CFAP20DC: variants seen among roughly 807,000 people sequenced by gnomAD.
CFAP20DC encodes CFAP20 domain containing, also known as protein CFAP20DC.
In CFAP20DC, 84 loss-of-function variants were observed where a neutral mutation model predicts 101.7. That is an observed-to-expected ratio of 0.83 (90% CI 0.69 to 0.99). CFAP20DC has a LOEUF of 0.99. CFAP20DC is among the 50% of genes least tolerant of loss of function. The pLI, the probability that CFAP20DC is intolerant of heterozygous loss-of-function variation, is 0.00. For missense variants in CFAP20DC, 1,007 were observed against 970.3 expected, an observed-to-expected ratio of 1.04 and a Z score of -0.50; for synonymous variants, 359 against 351.2, an observed-to-expected ratio of 1.02 and a Z score of -0.25.
intron 14 of CFAP20DC, among the ~76,000 whole-genome samples, chr3:58,824,169 C>A (rs2075880464): frequency 6.6e-6 from 1 of 152,104 alleles, no homozygotes. Context: ...AACTGCATAC[C>A]TTTTTAGTTC....
downstream of CFAP20DC, among the ~76,000 whole-genome samples, chr3:58,717,011 T>C (rs577546018): frequency 2.0e-5 from 3 of 152,236 alleles, no homozygotes; most frequent in Non-Finnish European, 2.9e-5. This position sits in a 1 kb window ranked among gnomAD's most constrained non-coding sequence, Gnocchi z 4.1. Flanking sequence ...GAAATTTAAC[T>C]AAGATGAAAG....
downstream of CFAP20DC, among the ~76,000 whole-genome samples, chr3:58,716,739 G>A (rs2067404847): frequency 6.6e-6 from 1 of 152,110 alleles, no homozygotes; most frequent in South Asian, 2.1e-4. Context: ...GGATCCTATG[G>A]CTCAGGTGGC....
intron 3 of CFAP20DC, among the ~76,000 whole-genome samples, chr3:58,725,283 C>T (rs974981576): frequency 6.6e-6 from 1 of 152,210 alleles, no homozygotes; most frequent in African/African-American, 2.4e-5. Context: ...CTGGCCACAG[C>T]CCATACTATC....
intron 3 of CFAP20DC, among the ~76,000 whole-genome samples, chr3:59,045,759 T>C (rs950900431): frequency 2.6e-5 from 4 of 152,158 alleles, no homozygotes; most frequent in African/African-American, 9.7e-5. Flanking sequence ...ATGCTTTATA[T>C]CTTACTTCTG....
At position 59,049,981 on chromosome 3, in the gene CFAP20DC, C is replaced by T. The variant is rs931514012; in HGVS notation, c.-350G>A. The T allele has an allele frequency of 1.5e-5, 4 of 272,152 alleles. No homozygotes were observed. Among genetic ancestry groups the T allele is most frequent in the Admixed American group, 4.8e-5 (1 of 20,956 alleles). 16.9% of individuals were successfully genotyped at this position (272,152 alleles called of 1,614,324 possible). On this transcript the variant is annotated 5_prime_UTR_variant, in exon 1 of 17. Transcript: ENST00000482387. ...GAGCCACAGACAACCGCCCGCTGGC[C>T]TAGGAAAAGCGGGCGCGCTCCCGCT...
chr3:58,887,662 G>A lies in CFAP20DC; in HGVS notation c.551-2953C>T, dbSNP rs922709329. ...TGCAATCTGAATCTTAAACGTGGTT[G>A]ACATGCAGATCAGATTTCACATTAA... On this transcript the variant is annotated intron_variant, in intron 6 of 16. Coordinates refer to ENST00000482387, the MANE Select transcript of CFAP20DC (RefSeq NM_001394063.1). Among the ~76,000 whole-genome samples, 36 of 152,306 alleles carry A rather than the reference G, an allele frequency of 2.4e-4. 1 individual carries two copies. Among genetic ancestry groups the A allele is most frequent in the African/African-American group, 5.8e-4 (24 of 41,570 alleles).
intron 6 of CFAP20DC, among the ~76,000 whole-genome samples, chr3:58,901,322 T>C (rs544359578): frequency 6.6e-6 from 1 of 152,332 alleles, no homozygotes; most frequent in Non-Finnish European, 1.5e-5. Flanking sequence ...AAGCAGTATA[T>C]TATAGTGGTT....
At position 58,863,364 on chromosome 3, in the gene CFAP20DC, G is replaced by C; in HGVS notation, c.1593+194C>G. The C allele has an allele frequency of 7.1e-7, 1 of 1,406,356 alleles. No homozygotes were observed. 87.1% of individuals were successfully genotyped at this position (1,406,356 alleles called of 1,614,324 possible). ...TAAGTAAAAGTGAAATTGGCTGACT[G>C]TTAATTAAAAAAAAAAAAAGACAGT... On this transcript the variant is annotated intron_variant, in intron 12 of 16. Coordinates refer to ENST00000482387, the MANE Select transcript of CFAP20DC (RefSeq NM_001394063.1). This position sits in a 1 kb window ranked among gnomAD's most constrained non-coding sequence, Gnocchi z 5.9.
chr3:58,898,442 T>C (rs557301349), intron 6 of CFAP20DC, among the ~76,000 whole-genome samples: 3 of 152,310 alleles, frequency 2.0e-5, no homozygotes, highest in Non-Finnish European at 2.9e-5. Context: ...CCCAAAGTGC[T>C]GAGATTATAG....
At chr3:58,988,487 T>C (rs941230525) in intron 4 of CFAP20DC, among the ~76,000 whole-genome samples, 4 of 152,184 alleles carry the variant, frequency 2.6e-5, no homozygotes, top group African/African-American at 7.2e-5. Context: ...CATTCTTCCA[T>C]AATCAGCAGA....
intron 4 of CFAP20DC, among the ~76,000 whole-genome samples, chr3:58,974,788 C>A (rs1032277080): frequency 1.3e-5 from 2 of 152,066 alleles, no homozygotes; most frequent in Admixed American, 1.3e-4. Flanking sequence ...TGCAAGTGGT[C>A]CTGGTTCTCT....
In CFAP20DC at chr3:58,717,914, C is replaced by T. The variant is rs555098356; in HGVS notation, c.198-286G>A. ...AAATTGGGTAAACTAACCAATGATG[C>T]CAGTCATGACTGATGTAGGGCTTCT... is the stretch of plus-strand genomic sequence containing the variant. On this transcript the variant is annotated intron_variant, in intron 3 of 3. Coordinates refer to the CFAP20DC transcript ENST00000486145. The surrounding 1 kb of genome is among the most constrained non-coding windows in gnomAD (Gnocchi z 4.1). Among the ~76,000 whole-genome samples the T allele has an allele frequency of 6.6e-6, 1 of 152,244 alleles. No individual in the cohort carries two copies. Among genetic ancestry groups the T allele is most frequent in the African/African-American group, 2.4e-5 (1 of 41,548 alleles).
chr3:58,777,147 T>C (rs2071407618), intron 15 of CFAP20DC, among the ~76,000 whole-genome samples: 1 of 152,248 alleles, frequency 6.6e-6, no homozygotes, highest in Non-Finnish European at 1.5e-5. Context: ...TTCTGTTCAC[T>C]GAGATAAATG....
downstream of CFAP20DC, chr3:58,737,108 C>T: frequency 2.3e-6 from 1 of 436,980 alleles, no homozygotes; most frequent in Non-Finnish European, 4.5e-6. This position sits in a 1 kb window ranked among gnomAD's most constrained non-coding sequence, Gnocchi z 4.1. Flanking sequence ...AAAATATCTG[C>T]AAGAGACCAA....
At chr3:58,963,869 C>T (rs2091345324) in intron 4 of CFAP20DC, among the ~76,000 whole-genome samples, 1 of 152,182 alleles carries the variant, frequency 6.6e-6, no homozygotes, top group Non-Finnish European at 1.5e-5. Context: ...AGACACACCT[C>T]ACTATAACCC....
Position 58,755,694 on chromosome 3 carries a change from T to C in CFAP20DC, c.2238-1831A>G, listed in dbSNP as rs115729385. 8.1e-3 allele frequency among the ~76,000 whole-genome samples: 1,239 copies of C among 152,308 alleles called. 19 individuals are homozygous for C. Among genetic ancestry groups the C allele is most frequent in the African/African-American group, 0.028 (1,184 of 41,580 alleles). Reference sequence around the variant, plus strand: ...CTTCTTTTTGTGATTAAAAAAATTTTAGATTTATAGAAAAGTTGCAAGAAG... The same window carrying C: ...CTTCTTTTTGTGATTAAAAAAATTTCAGATTTATAGAAAAGTTGCAAGAAG... On this transcript the variant is annotated intron_variant, in intron 15 of 16. Transcript: ENST00000482387.
At chr3:58,980,178 TC>T (rs2092467115) in intron 4 of CFAP20DC, among the ~76,000 whole-genome samples, 1 of 152,164 alleles carries the variant, frequency 6.6e-6, no homozygotes, top group Non-Finnish European at 1.5e-5. Context: ...GCTTGATAGC[TC>T]TTAATGCCTC....
intron 4 of CFAP20DC, among the ~76,000 whole-genome samples, chr3:58,942,692 C>A (rs978294109): frequency 6.6e-6 from 1 of 152,060 alleles, no homozygotes; most frequent in African/African-American, 2.4e-5. Flanking sequence ...TTTTTTCGTA[C>A]CCTAGTGGCA....
intron 14 of CFAP20DC, among the ~76,000 whole-genome samples, chr3:58,817,860 G>C (rs1189721229): frequency 6.6e-6 from 1 of 151,542 alleles, no homozygotes; most frequent in Non-Finnish European, 1.5e-5. Flanking sequence ...AAGTTGAAAT[G>C]AAGGAAAAAA....
Sources: gnomAD v4.1 joint callset for allele counts (sites outside exome capture counted in the v4.1 genomes callset) on GRCh38, gnomAD v4.1.1 for gene constraint, Gnocchi (gnomAD v3.1) non-coding constraint, MANE v1.5 for transcripts, NCBI Gene and HGNC (gene_info 2026-07-23, HGNC 2026-07-21) for gene names.